The following DCC variants were observed in gnomAD, a reference collection of about 807,000 sequenced individuals.
The protein encoded by DCC is DCC netrin 1 receptor.
Under a neutral mutation model 172.5 loss-of-function variants are expected in DCC, and 58 were observed. The ratio of observed to expected loss-of-function variants is 0.34; its 90% CI spans 0.27 to 0.42. The LOEUF (loss-of-function observed/expected upper bound fraction) is 0.42. Among genes scored for constraint, DCC ranks in the 10% least tolerant of loss-of-function variants. The probability of loss-of-function intolerance (pLI) is 1.00; values close to 1 mark genes in which losing one functional copy is unlikely to be tolerated. For synonymous variants in DCC, 709 were observed against 644.5 expected (o/e 1.10, Z -1.52); for missense variants, 1,740 against 1,791.0 (o/e 0.97, Z 0.51).
intron 25 of DCC, among the ~76,000 whole-genome samples, chr18:53,473,219 C>T (rs921154650): frequency 8.5e-5 from 13 of 152,292 alleles, no homozygotes; most frequent in African/African-American, 2.9e-4. Flanking sequence ...TATGCTTAGG[C>T]TTTCAAGTAC....
At chr18:53,462,196 C>T (rs959706577) in intron 24 of DCC, among the ~76,000 whole-genome samples, 1 of 152,126 alleles carries the variant, frequency 6.6e-6, no homozygotes, top group African/African-American at 2.4e-5. Context: ...GGGTACTCAA[C>T]CCCTGGACCA....
chr18:52,510,554 C>A (rs147404859), intron 1 of DCC, among the ~76,000 whole-genome samples: 2 of 152,324 alleles, frequency 1.3e-5, no homozygotes, highest in African/African-American at 4.8e-5. Context: ...TTACCCATCA[C>A]CCCACTCACC....
At chr18:52,749,190 G>A (rs528162229) in intron 1 of DCC, among the ~76,000 whole-genome samples, 15 of 150,892 alleles carry the variant, frequency 9.9e-5, no homozygotes, top group African/African-American at 3.7e-4. Context: ...AGACTCCATC[G>A]CCCAAAAAAA....
chr18:52,493,945 A>G (rs188938434), intron 1 of DCC, among the ~76,000 whole-genome samples: 2 of 152,036 alleles, frequency 1.3e-5, no homozygotes, highest in African/African-American at 4.8e-5. Flanking sequence ...TCTGTTTCTC[A>G]TCATTCCATC....
chr18:52,596,368 A>AC (rs2144807942), intron 1 of DCC, among the ~76,000 whole-genome samples: 1 of 152,328 alleles, frequency 6.6e-6, no homozygotes, highest in African/African-American at 2.4e-5. Context: ...TGAGTTCAAC[A>AC]GTGGTCTCAG....
At chr18:53,458,708 A>G (rs16956772) in intron 23 of DCC, among the ~76,000 whole-genome samples, 74,310 of 152,098 alleles carry the variant, frequency 0.49, 19,122 homozygotes, top group Non-Finnish European at 0.58. Context: ...TCCTAAGAAT[A>G]TCCTCATGTG....
chr18:53,299,032 A>G (rs2057101679), intron 12 of DCC, among the ~76,000 whole-genome samples: 1 of 152,192 alleles, frequency 6.6e-6, no homozygotes, highest in Non-Finnish European at 1.5e-5. Context: ...CTCACCACTA[A>G]GATGAGTAGT....
At position 53,277,924 on chromosome 18, in the gene DCC, G is replaced by A. The variant is rs557548326; in HGVS notation, c.1912-27654G>A. Among the ~76,000 whole-genome samples the A allele has an allele frequency of 3.9e-5, 6 of 152,220 alleles. No homozygotes were observed. The East Asian group carries it at 1.2e-3, about 29-fold the overall frequency. On this transcript the variant is annotated intron_variant, in intron 12 of 28. Coordinates refer to ENST00000442544, the MANE Select transcript of DCC (RefSeq NM_005215.4). Reference sequence around the variant, plus strand: ...GGAAAAAGAAAATGGCATATTCCTGGGTCTTGGCTGAAATGATTTTGCTGT... The same window carrying A: ...GGAAAAAGAAAATGGCATATTCCTGAGTCTTGGCTGAAATGATTTTGCTGT...
At chr18:52,564,857 T>A (rs1240111291) in intron 1 of DCC, among the ~76,000 whole-genome samples, 1 of 152,084 alleles carries the variant, frequency 6.6e-6, no homozygotes, top group Non-Finnish European at 1.5e-5. Flanking sequence ...TCTCTGTACA[T>A]GAGCGCAGAT....
At chr18:52,386,832 T>C (rs1176507564) in intron 1 of DCC, among the ~76,000 whole-genome samples, 1 of 152,228 alleles carries the variant, frequency 6.6e-6, no homozygotes, top group East Asian at 1.9e-4. Context: ...ACATGTATCA[T>C]ATATCAAAAA....
At chr18:52,446,638 T>C (rs571448653) in intron 1 of DCC, among the ~76,000 whole-genome samples, 48 of 152,356 alleles carry the variant, frequency 3.2e-4, no homozygotes, top group African/African-American at 1.2e-3. Context: ...TGGGTCTTCA[T>C]GTATCAATGG....
At chr18:53,312,340 CAAAAA>C (rs1218591102) in intron 13 of DCC, among the ~76,000 whole-genome samples, 3,676 of 17,048 alleles carry the variant, frequency 0.22, 96 homozygotes, top group African/African-American at 0.34. Context: ...GACTCTGTCT[CAAAAA>C]AAAAAAAAAA....
chr18:53,130,745 C>T (rs1258038011), intron 7 of DCC, among the ~76,000 whole-genome samples: 1 of 152,088 alleles, frequency 6.6e-6, no homozygotes, highest in Non-Finnish European at 1.5e-5. Flanking sequence ...ACCTTAGTGT[C>T]CTTAGGTTTG....
intron 1 of DCC, among the ~76,000 whole-genome samples, chr18:52,454,507 T>C (rs988701643): frequency 6.6e-6 from 1 of 152,064 alleles, no homozygotes; most frequent in Non-Finnish European, 1.5e-5. Context: ...TTTTGTATGA[T>C]CACTACCAGA....
At chr18:52,521,178 ATTTT>A (rs57633326) in intron 1 of DCC, among the ~76,000 whole-genome samples, 1 of 151,578 alleles carries the variant, frequency 6.6e-6, no homozygotes, top group East Asian at 1.9e-4. Context: ...TGAATTGTGA[ATTTT>A]TTTTTGAGAT....
rs146290301 is a variant in DCC, at chr18:52,969,449, C to T, written c.985+44079C>T. Among the ~76,000 whole-genome samples, 703 of 152,212 alleles carry T rather than the reference C, an allele frequency of 4.6e-3. 6 individuals are homozygous for T. Among genetic ancestry groups the T allele is most frequent in the African/African-American group, 0.016 (675 of 41,536 alleles). ...TTCCCCTCACTTCCATTGACCATTGCCTCAATCAGCCAACAATGATTCTTT... is the reference window on the plus strand; with the variant it reads ...TTCCCCTCACTTCCATTGACCATTGTCTCAATCAGCCAACAATGATTCTTT... On this transcript the variant is annotated intron_variant, in intron 5 of 28. Transcript: ENST00000442544.
chr18:53,386,257 A>T (rs1226939054), intron 16 of DCC, 119 bp downstream of exon 16: 1 of 721,860 alleles, frequency 1.4e-6, no homozygotes, highest in Non-Finnish European at 2.5e-6. Context: ...ATCCTCTGAT[A>T]ATCCTCAGAG....
chr18:52,950,650 C>A (rs1343507942), intron 5 of DCC, among the ~76,000 whole-genome samples: 2 of 152,066 alleles, frequency 1.3e-5, no homozygotes, highest in Non-Finnish European at 2.9e-5. Context: ...ATAGGCTGGG[C>A]GTGGTGGCTC....
intron 5 of DCC, among the ~76,000 whole-genome samples, chr18:53,024,822 A>G (rs1435850685): frequency 6.6e-6 from 1 of 152,128 alleles, no homozygotes; most frequent in Non-Finnish European, 1.5e-5. Flanking sequence ...AATAGATATA[A>G]ATTATGTCTT....
Sources: gnomAD v4.1 joint callset for allele counts (sites outside exome capture counted in the v4.1 genomes callset) on GRCh38, gnomAD v4.1.1 for gene constraint, MANE v1.5 for transcripts, NCBI Gene and HGNC (gene_info 2026-07-23, HGNC 2026-07-21) for gene names.